CPLX2: variants seen among roughly 807,000 people sequenced by gnomAD.
CPLX2 encodes the protein complexin 2.
In CPLX2, 5 loss-of-function variants were observed where a neutral mutation model predicts 16.3. That is an observed-to-expected ratio of 0.31 (90% CI 0.16 to 0.64). The LOEUF (loss-of-function observed/expected upper bound fraction) is 0.64, where lower values mean the gene tolerates loss of function less well. CPLX2 is among the 30% of genes least tolerant of loss of function. CPLX2 has a pLI of 0.79. For missense variants in CPLX2, 144 were observed against 181.4 expected, an observed-to-expected ratio of 0.79 and a Z score of 1.18; for synonymous variants, 89 against 73.2, an observed-to-expected ratio of 1.22 and a Z score of -1.10.
At chr5:175,843,699 C>A (rs1412975366) in intron 2 of CPLX2, among the ~76,000 whole-genome samples, 1 of 152,240 alleles carries the variant, frequency 6.6e-6, no homozygotes, top group Non-Finnish European at 1.5e-5. Flanking sequence ...GGCCTGGGGT[C>A]AGGCCCAGGG....
chr5:175,860,502 G>T (rs1243568751), intron 2 of CPLX2, among the ~76,000 whole-genome samples: 1 of 22,844 alleles, frequency 4.4e-5, no homozygotes. Flanking sequence ...AGAAAGAAAA[G>T]AAAGAAAGAA....
intron 2 of CPLX2, among the ~76,000 whole-genome samples, chr5:175,837,280 C>T (rs1459194523): frequency 1.3e-5 from 2 of 152,208 alleles, no homozygotes; most frequent in Admixed American, 6.5e-5. Context: ...CACGGCTCCC[C>T]GCAGCAGGCA....
At chr5:175,807,418 C>A (rs1758228539) in intron 1 of CPLX2, among the ~76,000 whole-genome samples, 2 of 152,316 alleles carry the variant, frequency 1.3e-5, no homozygotes, top group Non-Finnish European at 2.9e-5. Flanking sequence ...CCTGTCCCTG[C>A]ACACAGGTGG....
chr5:175,824,602 G>A (rs944752204), intron 2 of CPLX2, among the ~76,000 whole-genome samples: 1 of 152,200 alleles, frequency 6.6e-6, no homozygotes, highest in Non-Finnish European at 1.5e-5. Context: ...AGGCCAAGCA[G>A]GGGACCTGAA....
intron 2 of CPLX2, among the ~76,000 whole-genome samples, chr5:175,820,864 G>A (rs2113644417): frequency 6.6e-6 from 1 of 152,318 alleles, no homozygotes; most frequent in East Asian, 1.9e-4. Context: ...GCCTTTGGAT[G>A]GTGCTCAGGG....
At chr5:175,864,936 C>G (rs966603603) in intron 2 of CPLX2, among the ~76,000 whole-genome samples, 1 of 152,186 alleles carries the variant, frequency 6.6e-6, no homozygotes, top group African/African-American at 2.4e-5. Context: ...TCCCCTTTCT[C>G]ACCCTCTGTT....
At chr5:175,852,436 G>A (rs907553484) in intron 2 of CPLX2, among the ~76,000 whole-genome samples, 2 of 152,188 alleles carry the variant, frequency 1.3e-5, no homozygotes, top group Non-Finnish European at 2.9e-5. Context: ...AAATGGAATT[G>A]CGGCAGAGGT....
rs1755693867 is a variant in CPLX2 at position 175,884,003 on chromosome 5, A to G, written c.*3958A>G. 6.6e-6 allele frequency: 1 copy of G among 152,422 alleles called. No homozygotes were observed. Among genetic ancestry groups the G allele is most frequent in the Non-Finnish European group, 1.5e-5 (1 of 68,062 alleles). 9.4% of individuals were successfully genotyped at this position (152,422 alleles called of 1,614,324 possible). A position where few individuals can be genotyped will look rare whatever the true frequency, so the allele number is the denominator to read the frequency against. ...TACAAAATCAACCATGACAACAAAG[A>G]AAAAGACCTTGTACAGCAGCTCTCT... On this transcript the variant is annotated 3_prime_UTR_variant, in exon 4 of 4. Coordinates refer to ENST00000393745, the MANE Select transcript of CPLX2 (RefSeq NM_001008220.2).
intron 2 of CPLX2, among the ~76,000 whole-genome samples, chr5:175,821,443 C>T (rs113727976): frequency 2.4e-3 from 368 of 152,160 alleles, no homozygotes; most frequent in Middle Eastern, 6.8e-3. Context: ...GTTTCGCTGT[C>T]GTCACCCAGG....
intron 1 of CPLX2, among the ~76,000 whole-genome samples, chr5:175,799,539 C>CATATATATATTTATATTTATAT (rs1227041477): frequency 1.4e-5 from 1 of 72,276 alleles, no homozygotes; most frequent in East Asian, 8.0e-4. Flanking sequence ...TTGCAAATTT[C>CATATATATATTTATATTTATAT]ATATATATAT....
At chr5:175,858,429 C>G (rs1050653331) in intron 2 of CPLX2, among the ~76,000 whole-genome samples, 4 of 152,230 alleles carry the variant, frequency 2.6e-5, no homozygotes, top group African/African-American at 7.2e-5. Context: ...CACGAAGACC[C>G]TGGCAGGGAG....
chr5:175,871,873 G>C (rs1196165349), intron 1 of CPLX2, 168 bp downstream of exon 1: 1 of 152,362 alleles, frequency 6.6e-6, no homozygotes, highest in East Asian at 1.9e-4. Flanking sequence ...AGGCGGTAAA[G>C]GGGACACTCC....
In CPLX2 at chr5:175,801,170, A is replaced by AAAAAC. The variant is rs1554117469; in HGVS notation, c.-169+4390_-169+4391insCAAAA. Among the ~76,000 whole-genome samples the AAAAAC allele has an allele frequency of 2.3e-3, 345 of 151,922 alleles. 1 individual carries two copies. The highest frequency in any genetic ancestry group is 7.9e-3 in the African/African-American group (329 of 41,384). On this transcript the variant is annotated intron_variant, in intron 1 of 4. Coordinates refer to the CPLX2 transcript ENST00000359546. ...TTAAGCAGAGGAGTGTTAAAAAAAA[A>AAAAAC]AAAAAACTGGGTTTTAAAAAAATGC...
chr5:175,864,849 G>A (rs7705645), intron 2 of CPLX2, among the ~76,000 whole-genome samples: 10,251 of 152,160 alleles, frequency 0.067, 539 homozygotes, highest in East Asian at 0.16. Context: ...GCTGGGCGCT[G>A]AGTTATACCT....
intron 2 of CPLX2, among the ~76,000 whole-genome samples, chr5:175,842,952 G>A (rs1758971996): frequency 6.6e-6 from 1 of 152,200 alleles, no homozygotes; most frequent in Non-Finnish European, 1.5e-5. Context: ...GCGCAACTGT[G>A]AGTCTAGAGA....
intron 2 of CPLX2, among the ~76,000 whole-genome samples, chr5:175,824,677 C>T (rs917966446): frequency 4.6e-5 from 7 of 152,248 alleles, no homozygotes; most frequent in African/African-American, 9.6e-5. Flanking sequence ...GCTCCTACTA[C>T]GCACCAGACC....
rs1759021356 is a variant in CPLX2 at position 175,845,296 on chromosome 5, C to T, written c.-88-33356C>T. On this transcript the variant is annotated intron_variant, in intron 2 of 4. Coordinates refer to the CPLX2 transcript ENST00000359546. This position sits in a 1 kb window ranked among gnomAD's most constrained non-coding sequence, Gnocchi z 4.0. ...TATTCTTGGACTAAAACCCACAGCCCACTCTGGGACCCGCAAGGCCCCACA... is the reference window on the plus strand; with the variant it reads ...TATTCTTGGACTAAAACCCACAGCCTACTCTGGGACCCGCAAGGCCCCACA... Among the ~76,000 whole-genome samples, 1 of 152,186 alleles carries T rather than the reference C, an allele frequency of 6.6e-6. No homozygotes were observed. The highest frequency in any genetic ancestry group is 2.4e-5 in the African/African-American group (1 of 41,442).
intron 1 of CPLX2, among the ~76,000 whole-genome samples, chr5:175,800,261 C>T (rs1758068335): frequency 6.6e-6 from 1 of 152,168 alleles, no homozygotes; most frequent in East Asian, 1.9e-4. Context: ...GAAGCCCCTG[C>T]CTATCAAATG....
rs1001991999 is a variant in CPLX2, at chr5:175,845,085, G to A, written c.-88-33567G>A. On this transcript the variant is annotated intron_variant, in intron 2 of 4. Coordinates refer to the CPLX2 transcript ENST00000359546. This position sits in a 1 kb window ranked among gnomAD's most constrained non-coding sequence, Gnocchi z 4.0. ...AGATGGTGACCCAAGAGAGCCTTCC[G>A]TGCCCATGGAAGCACTTGCCTGCAG... is the stretch of plus-strand genomic sequence containing the variant. Among the ~76,000 whole-genome samples the A allele has an allele frequency of 2.6e-5, 4 of 152,302 alleles. No homozygotes were observed. The highest frequency in any genetic ancestry group is 4.4e-5 in the Non-Finnish European group (3 of 68,024).
Sources: allele counts gnomAD v4.1 joint callset (sites outside exome capture counted in the v4.1 genomes callset), GRCh38; gene constraint gnomAD v4.1.1; non-coding constraint Gnocchi (gnomAD v3.1); transcripts MANE v1.5; gene names NCBI Gene and HGNC (gene_info 2026-07-23, HGNC 2026-07-21).